The following ACTR5 variants were observed in gnomAD, a reference collection of about 807,000 sequenced individuals.
The protein encoded by ACTR5 is actin-related protein 5.
ACTR5 carries 43 observed loss-of-function variants against 61.2 expected under a neutral mutation model. That is an observed-to-expected ratio of 0.70 (90% CI 0.55 to 0.91). The LOEUF (loss-of-function observed/expected upper bound fraction) is 0.91, where lower values mean the gene tolerates loss of function less well. Ranked by LOEUF, ACTR5 falls within the 40% of genes least tolerant of loss-of-function variation. The pLI, the probability that ACTR5 is intolerant of heterozygous loss-of-function variation, is 0.00. For missense variants in ACTR5, 798 were observed against 782.2 expected (o/e 1.02, Z -0.24); for synonymous variants, 333 against 310.5 (o/e 1.07, Z -0.76).
chr20:38,766,117 T>C, intron 6 of ACTR5, 121 bp from the exon 7 acceptor site: 1 of 1,090,292 alleles, frequency 9.2e-7, no homozygotes, highest in Non-Finnish European at 1.3e-6. Context: ...TGGGAGAAGC[T>C]ATACTGGCAT....
At position 38,765,408 on chromosome 20, in the gene ACTR5, G is replaced by T; in HGVS notation, c.1183G>T (p.Asp395Tyr). The change falls in exon 6 of 9, where the codon GAC (aspartate) becomes TAC (tyrosine). Residue 395 changes from aspartate (D) to tyrosine (Y), a missense_variant. Transcript: ENST00000243903. The stretch of plus-strand genomic sequence containing the variant: ...ATTTTGCTCCTTCTCTTAGACCCCT[G>T]ACCTGGAGCAGCTGGAGCCGTCTTT... ...DVVDSKPETPDLEQLEPSLED... is the reference protein window; with the variant it reads ...DVVDSKPETPYLEQLEPSLED... 6.2e-7 allele frequency: 1 copy of T among 1,614,028 alleles called. No homozygotes were observed. Among genetic ancestry groups the T allele is most frequent in the South Asian group, 1.1e-5 (1 of 91,070 alleles).
intron 8 of ACTR5, among the ~76,000 whole-genome samples, chr20:38,767,899 C>T (rs2084497785): frequency 6.6e-6 from 1 of 152,152 alleles, no homozygotes; most frequent in South Asian, 2.1e-4. Context: ...GCATGGGATA[C>T]ATTGGAGCGT....
Position 38,748,675 on chromosome 20 carries a change from C to G in ACTR5, c.197C>G (p.Ala66Gly). 1.3e-6 allele frequency: 2 copies of G among 1,520,152 alleles called. No homozygotes were observed. The highest frequency in any genetic ancestry group is 1.8e-6 in the Non-Finnish European group (2 of 1,136,690). 94.2% of individuals were successfully genotyped at this position (1,520,152 alleles called of 1,614,324 possible). A position where few individuals can be genotyped will look rare whatever the true frequency, so the allele number is the denominator to read the frequency against. The change falls in exon 1 of 9, where the codon GCC (alanine) becomes GGC (glycine). Residue 66 changes from alanine to glycine, a missense_variant. Ala to Gly is a moderately conservative substitution (Grantham distance 60). Coordinates refer to ENST00000243903, the MANE Select transcript of ACTR5 (RefSeq NM_024855.4). ...EPRLQFRAVC[A>G]RGRGGARGAS... Reference sequence around the variant, plus strand: ...CGCCTGCAGTTCCGCGCGGTGTGCGCCCGCGGTCGTGGCGGGGCACGGGGC... The same window carrying G: ...CGCCTGCAGTTCCGCGCGGTGTGCGGCCGCGGTCGTGGCGGGGCACGGGGC...
At chr20:38,766,443 G>A (rs2084487308) in intron 7 of ACTR5, 66 bp downstream of exon 7, 1 of 1,509,618 alleles carries the variant, frequency 6.6e-7, no homozygotes, top group African/African-American at 1.4e-5. Context: ...TGCATTGAAT[G>A]GTAGATTTGA....
At chr20:38,765,350 A>G (rs1367464654) in intron 5 of ACTR5, 52 bp from the exon 6 acceptor site, 4 of 1,311,658 alleles carry the variant, frequency 3.0e-6, no homozygotes, top group Admixed American at 1.7e-5. Context: ...AAATGATAGA[A>G]CTGAGGCCTG....
At chr20:38,755,255 G>C (rs1282996773) in intron 4 of ACTR5, 81 bp downstream of exon 4, 1 of 1,408,054 alleles carries the variant, frequency 7.1e-7, no homozygotes, top group African/African-American at 1.4e-5. Flanking sequence ...TTTTCCATTG[G>C]CCTTAAGATG....
chr20:38,754,203 T>C (rs1001818067), intron 3 of ACTR5, among the ~76,000 whole-genome samples: 31 of 152,364 alleles, frequency 2.0e-4, no homozygotes, highest in African/African-American at 7.0e-4. Context: ...ACCAGATTTT[T>C]ATCATTTCTG....
chr20:38,748,854 G>GT lies in ACTR5; in HGVS notation c.375+2dup. ...CCAGCACCTGGGTGTCTCCTCACAG[G>GT]TGAAGGGCGGAGTAGGCTGGGCTGG... On this transcript the variant is annotated splice_donor_variant, in intron 1 of 8. Coordinates refer to ENST00000243903, the MANE Select transcript of ACTR5 (RefSeq NM_024855.4). LOFTEE classifies it high-confidence loss of function. 6.2e-7 allele frequency: 1 copy of GT among 1,605,466 alleles called. No individual in the cohort carries two copies. The highest frequency in any genetic ancestry group is 8.5e-7 in the Non-Finnish European group (1 of 1,177,244).
chr20:38,756,871 T>C (rs2084423395), intron 5 of ACTR5, among the ~76,000 whole-genome samples: 1 of 152,190 alleles, frequency 6.6e-6, no homozygotes, highest in Non-Finnish European at 1.5e-5. Flanking sequence ...TCCGTTGCAC[T>C]CCAGCCTGGG....
intron 3 of ACTR5, among the ~76,000 whole-genome samples, chr20:38,754,484 C>T (rs781412458): frequency 6.6e-6 from 1 of 151,710 alleles, no homozygotes; most frequent in African/African-American, 2.4e-5. Context: ...TTTGGGAGGC[C>T]GAGGCGAGTG....
intron 7 of ACTR5, 132 bp downstream of exon 7, chr20:38,766,509 T>A: frequency 8.4e-7 from 1 of 1,186,304 alleles, no homozygotes; most frequent in Non-Finnish European, 1.2e-6. Flanking sequence ...CTTGCTGTGC[T>A]CAGATAGTAT....
At chr20:38,771,259 G>A (rs1230298393) in intron 8 of ACTR5, among the ~76,000 whole-genome samples, 1 of 152,188 alleles carries the variant, frequency 6.6e-6, no homozygotes, top group Admixed American at 6.5e-5. Flanking sequence ...ACCTCTCCCT[G>A]ACAGCTTGTG....
At chr20:38,771,014 G>T in intron 8 of ACTR5, among the ~76,000 whole-genome samples, 1 of 152,208 alleles carries the variant, frequency 6.6e-6, no homozygotes, top group East Asian at 1.9e-4. Flanking sequence ...GCCTAGCCGA[G>T]GGCCTTCTCA....
At chr20:38,767,881 A>G (rs2084497671) in intron 8 of ACTR5, among the ~76,000 whole-genome samples, 1 of 152,198 alleles carries the variant, frequency 6.6e-6, no homozygotes, top group South Asian at 2.1e-4. Context: ...CCCTGTAGAC[A>G]TTGTGGGGCA....
rs1486721873 is a variant in ACTR5, at chr20:38,755,316, C to T, written c.993+142C>T. The T allele has an allele frequency of 3.6e-6, 3 of 832,530 alleles. No individual in the cohort carries two copies. In the African/African-American group the frequency reaches 5.2e-5, roughly 14 times the overall value. The allele number at this position is 832,530 out of a possible 1,614,324, so 51.6% of individuals were successfully genotyped here. A position where few individuals can be genotyped will look rare whatever the true frequency, so the allele number is the denominator to read the frequency against. Reference sequence around the variant, plus strand: ...TCACGAAGGAGTCCAGGGGGATCATCAGCATAGAATACAGTGTAGAAGCAG... The same window carrying T: ...TCACGAAGGAGTCCAGGGGGATCATTAGCATAGAATACAGTGTAGAAGCAG... On this transcript the variant is annotated intron_variant, in intron 4 of 8. Transcript: ENST00000243903.
In ACTR5 at chr20:38,748,567, C is replaced by T. The variant is rs1207579936; in HGVS notation, c.89C>T (p.Pro30Leu). ...GGCCCGGTGGCACACGGGCCACTGC[C>T]GGTACCGCTGGTGCTGGACAACGGG... ...EAGPVAHGPL[P>L]VPLVLDNGSF... Residue 30 changes from proline (P) to leucine (L), a missense_variant, in exon 1 of 9, where the codon CCG (proline) becomes CTG (leucine). Pro to Leu is a moderately conservative substitution (Grantham distance 98). Coordinates refer to ENST00000243903, the MANE Select transcript of ACTR5 (RefSeq NM_024855.4). The T allele has an allele frequency of 7.9e-6, 12 of 1,519,954 alleles. No homozygotes were observed. Among genetic ancestry groups the T allele is most frequent in the Admixed American group, 2.1e-5 (1 of 48,052 alleles). 94.2% of individuals were successfully genotyped at this position (1,519,954 alleles called of 1,614,324 possible).
intron 8 of ACTR5, among the ~76,000 whole-genome samples, chr20:38,768,022 G>A (rs1404299904): frequency 6.6e-6 from 1 of 152,130 alleles, no homozygotes; most frequent in Admixed American, 6.5e-5. Context: ...GAGAGGAGGT[G>A]GGTAACGTAG....
intron 2 of ACTR5, among the ~76,000 whole-genome samples, chr20:38,750,605 TG>T (rs1347031100): frequency 1.5e-4 from 3 of 20,366 alleles, no homozygotes; most frequent in Non-Finnish European, 6.6e-3. Flanking sequence ...GAGTTTTTTT[TG>T]TTTTTTTTTT....
Position 38,771,679 on chromosome 20 carries a change from G to GATC in ACTR5, c.1688_1689insTCA (p.Glu563delinsAspGln). 1 of 1,614,178 alleles carries GATC rather than the reference G, an allele frequency of 6.2e-7. No homozygotes were observed. Among genetic ancestry groups the GATC allele is most frequent in the Middle Eastern group, 1.6e-4 (1 of 6,062 alleles). ...GAAAGAGTATGAAGAAAAGGGAGGA[G>GATC]AGTACCTCAAGGAGCACTGTGCTTC... On this transcript the variant is annotated protein_altering_variant, in exon 9 of 9. Coordinates refer to ENST00000243903, the MANE Select transcript of ACTR5 (RefSeq NM_024855.4).
Sources: allele counts gnomAD v4.1 joint callset (sites outside exome capture counted in the v4.1 genomes callset), GRCh38; gene constraint gnomAD v4.1.1; transcripts MANE v1.5; gene names NCBI Gene and HGNC (gene_info 2026-07-23, HGNC 2026-07-21).